The following NEK11 variants were observed in gnomAD, a reference collection of about 807,000 sequenced individuals.
NEK11 encodes the protein serine/threonine-protein kinase Nek11.
In NEK11, 72 loss-of-function variants were observed where a neutral mutation model predicts 80.7. The ratio of observed to expected loss-of-function variants is 0.89; its 90% confidence interval spans 0.74 to 1.08. NEK11 has a LOEUF of 1.08. NEK11 is among the 50% of genes least tolerant of loss of function. The pLI is 0.00. For synonymous variants in NEK11, 251 were observed against 260.7 expected (o/e 0.96, Z 0.36); for missense variants, 764 against 763.6 (o/e 1.00, Z -0.01).
chr3:131,335,097 G>A (rs527739236), intron 17 of NEK11, among the ~76,000 whole-genome samples: 2,993 of 152,214 alleles, frequency 0.02, 102 homozygotes, highest in African/African-American at 0.069. Context: ...GAAAAAGAGG[G>A]AATCCTCCCT....
chr3:131,272,055 A>G (rs1389300032), intron 16 of NEK11, among the ~76,000 whole-genome samples: 1 of 151,070 alleles, frequency 6.6e-6, no homozygotes, highest in Non-Finnish European at 1.5e-5. Flanking sequence ...AGCCGAGATC[A>G]CGCCATTGCA....
intron 17 of NEK11, among the ~76,000 whole-genome samples, chr3:131,282,648 G>T (rs2108836736): frequency 6.8e-6 from 1 of 147,902 alleles, no homozygotes; most frequent in South Asian, 2.1e-4. Flanking sequence ...AACTGATTCA[G>T]TCTCAGATAG....
At chr3:131,037,333 G>T (rs559831481) in intron 3 of NEK11, among the ~76,000 whole-genome samples, 1 of 151,590 alleles carries the variant, frequency 6.6e-6, no homozygotes, top group South Asian at 2.1e-4. Context: ...TGCCAGGCTG[G>T]AGTGCAGTGG....
chr3:131,145,518 T>C (rs956472382), intron 7 of NEK11, among the ~76,000 whole-genome samples: 5 of 152,142 alleles, frequency 3.3e-5, no homozygotes, highest in Non-Finnish European at 7.4e-5. Context: ...ACGCCCTGCA[T>C]AGCTTGTTGT....
At chr3:131,252,650 A>G (rs1402812124) in intron 16 of NEK11, among the ~76,000 whole-genome samples, 1 of 152,172 alleles carries the variant, frequency 6.6e-6, no homozygotes, top group Non-Finnish European at 1.5e-5. Flanking sequence ...AGGTCAGATT[A>G]AAGCCTTGAG....
intron 17 of NEK11, among the ~76,000 whole-genome samples, chr3:131,340,349 T>A (rs967357297): frequency 6.6e-5 from 10 of 152,200 alleles, no homozygotes; most frequent in Non-Finnish European, 1.2e-4. Flanking sequence ...ATGAGGACAT[T>A]TTAGATATTA....
intron 5 of NEK11, among the ~76,000 whole-genome samples, chr3:131,126,959 C>CTTTTTTTTTTTTTTTTTTTTTTTTTTTTT (rs71133688): frequency 3.3e-5 from 3 of 90,118 alleles, no homozygotes; most frequent in African/African-American, 9.3e-5. Context: ...TTCTTTCTTT[C>CTTTTTTTTTTTTTTTTTTTTTTTTTTTTT]TTTTTTTTTT....
intron 15 of NEK11, among the ~76,000 whole-genome samples, chr3:131,235,774 T>A (rs908399): frequency 0.21 from 31,851 of 152,132 alleles, 6,589 homozygotes; most frequent in African/African-American, 0.53. Context: ...AACAGACAGA[T>A]TAACTAATTT....
intron 16 of NEK11, among the ~76,000 whole-genome samples, chr3:131,268,220 T>G (rs1313853548): frequency 1.3e-5 from 2 of 152,164 alleles, no homozygotes; most frequent in Non-Finnish European, 2.9e-5. Context: ...AGAACATGCT[T>G]TTTTAGCTCA....
intron 17 of NEK11, among the ~76,000 whole-genome samples, chr3:131,278,525 G>C (rs1006795733): frequency 2.6e-4 from 39 of 151,814 alleles, no homozygotes; most frequent in African/African-American, 9.5e-4. Flanking sequence ...TCAGGAAAGG[G>C]TTTCTGTTCA....
chr3:131,067,259 C>T lies in NEK11; in HGVS notation c.171-13164C>T, dbSNP rs890153437. Reference sequence around the variant, plus strand: ...GTGCCTGTGACAAGTAAAGTACCTTCCACAGATCAGGTGCCCCATACACGT... The same window carrying T: ...GTGCCTGTGACAAGTAAAGTACCTTTCACAGATCAGGTGCCCCATACACGT... On this transcript the variant is annotated intron_variant, in intron 3 of 17. Transcript: ENST00000383366. 3.3e-5 allele frequency among the ~76,000 whole-genome samples: 5 copies of T among 152,304 alleles called. No homozygotes were observed. In the South Asian group the frequency reaches 1.0e-3, roughly 32 times the overall value.
intron 17 of NEK11, among the ~76,000 whole-genome samples, chr3:131,279,693 A>G (rs193135096): frequency 1.1e-4 from 17 of 152,316 alleles, no homozygotes; most frequent in Admixed American, 9.8e-4. Context: ...TAGTGAAATC[A>G]TCACTTAGCA....
At chr3:131,031,985 G>A (rs561334493) in intron 3 of NEK11, among the ~76,000 whole-genome samples, 221 of 148,824 alleles carry the variant, frequency 1.5e-3, no homozygotes, top group Non-Finnish European at 2.5e-3. Context: ...TTTTTGAGGC[G>A]GAGTCTCACT....
At chr3:131,037,504 A>T (rs1486877645) in intron 3 of NEK11, among the ~76,000 whole-genome samples, 1 of 152,184 alleles carries the variant, frequency 6.6e-6, no homozygotes, top group Non-Finnish European at 1.5e-5. Context: ...GGCTAGTCTC[A>T]AACTCTTAAC....
At chr3:131,284,148 C>A (rs1029710333) in intron 17 of NEK11, among the ~76,000 whole-genome samples, 1 of 152,198 alleles carries the variant, frequency 6.6e-6, no homozygotes. Flanking sequence ...GGAGGCCCAT[C>A]TCTTATAAAG....
chr3:131,184,705 A>G, intron 14 of NEK11: 1 of 1,180,972 alleles, frequency 8.5e-7, no homozygotes, highest in Non-Finnish European at 1.1e-6. Flanking sequence ...CTTAAAGGAG[A>G]CTGTAATCTA....
At chr3:131,239,643 A>G (rs1316775310) in intron 15 of NEK11, among the ~76,000 whole-genome samples, 18 of 152,200 alleles carry the variant, frequency 1.2e-4, no homozygotes, top group Admixed American at 1.1e-3. Flanking sequence ...TGCTAGATGT[A>G]GACAGATGGC....
intron 5 of NEK11, among the ~76,000 whole-genome samples, chr3:131,122,285 G>A (rs752348667): frequency 6.6e-6 from 1 of 152,196 alleles, no homozygotes; most frequent in Non-Finnish European, 1.5e-5. Flanking sequence ...GTTGTGTTTG[G>A]TGTTACTGGA....
At chr3:131,104,215 G>C (rs568193840) in intron 4 of NEK11, among the ~76,000 whole-genome samples, 1 of 152,224 alleles carries the variant, frequency 6.6e-6, no homozygotes, top group Admixed American at 6.5e-5. Flanking sequence ...TACTATGGTG[G>C]TGGCAGTGAC....
Sources: allele counts gnomAD v4.1 joint callset (sites outside exome capture counted in the v4.1 genomes callset), GRCh38; gene constraint gnomAD v4.1.1; transcripts MANE v1.5; gene names NCBI Gene and HGNC (gene_info 2026-07-23, HGNC 2026-07-21).